Variants in LRRC38 observed in about 807,000 individuals in gnomAD.
LRRC38 encodes the protein leucine rich repeat containing 38.
Under a neutral mutation model 16.4 loss-of-function variants are expected in LRRC38, and 5 were observed. The observed-to-expected ratio is 0.31, with a 90% CI of 0.16 to 0.64. LRRC38 has a LOEUF of 0.64. Among genes scored for constraint, LRRC38 ranks in the 30% least tolerant of loss-of-function variants. The probability of loss-of-function intolerance (pLI) is 0.80; values close to 1 mark genes in which losing one functional copy is unlikely to be tolerated. For synonymous variants in LRRC38, 191 were observed against 190.2 expected (o/e 1.00, Z -0.04); for missense variants, 341 against 401.8 (o/e 0.85, Z 1.29).
In LRRC38 at chr1:13,481,585, C is replaced by T. The variant is rs543175707; in HGVS notation, c.632-5486G>A. ...TTTTTTTGTATTTTTTTAGTAGAGA[C>T]GGGGTTTCACCGTGTTAGCCAGGAT... On this transcript the variant is annotated intron_variant, in intron 1 of 1. Transcript: ENST00000376085. Among the ~76,000 whole-genome samples the T allele has an allele frequency of 2.9e-4, 44 of 151,454 alleles. 1 individual carries two copies. The South Asian group carries it at 3.8e-3, about 13-fold the overall frequency.
chr1:13,511,107 G>A (rs1271701497), intron 1 of LRRC38, among the ~76,000 whole-genome samples: 1 of 152,122 alleles, frequency 6.6e-6, no homozygotes, highest in East Asian at 1.9e-4. Context: ...CTCTGAACCT[G>A]TCCATCCTTC....
At position 13,475,926 on chromosome 1, in the gene LRRC38, G is replaced by C; in HGVS notation, c.805C>G (p.Leu269Val). Residue 269 changes from leucine (L) to valine (V), a missense_variant, in exon 2 of 2, where the codon CTG (leucine) becomes GTG (valine). Physicochemically the swap from Leu to Val is conservative, Grantham distance 32 (BLOSUM62 1). Transcript: ENST00000376085. This position sits in a 1 kb window ranked among gnomAD's most constrained non-coding sequence, Gnocchi z 4.3. ...SIAAIISSFF[L>V]ATVVQCLQRC... Reference sequence around the variant, plus strand: ...TGGAGGCACTGCACCACAGTGGCCAGGAAGAAGCTGGAGATGATGGCCGCA... The same window carrying C: ...TGGAGGCACTGCACCACAGTGGCCACGAAGAAGCTGGAGATGATGGCCGCA... The C allele has an allele frequency of 6.4e-7, 1 of 1,550,612 alleles. No homozygotes were observed. Among genetic ancestry groups the C allele is most frequent in the Non-Finnish European group, 8.7e-7 (1 of 1,147,006 alleles).
At chr1:13,476,883 A>G (rs956300299) in intron 1 of LRRC38, among the ~76,000 whole-genome samples, 11 of 151,980 alleles carry the variant, frequency 7.2e-5, no homozygotes, top group African/African-American at 2.7e-4. Flanking sequence ...GAGGGTTAGC[A>G]TGGTCAGGAG....
chr1:13,492,744 C>T (rs1639029726), intron 1 of LRRC38, among the ~76,000 whole-genome samples: 3 of 152,106 alleles, frequency 2.0e-5, no homozygotes, highest in Admixed American at 2.0e-4. Flanking sequence ...ATACCATTAC[C>T]CAGCCCTGAC....
At chr1:13,491,373 G>A in intron 1 of LRRC38, among the ~76,000 whole-genome samples, 1 of 152,050 alleles carries the variant, frequency 6.6e-6, no homozygotes. Context: ...TGTCACCCAG[G>A]CTGGAGTACA....
In LRRC38 at chr1:13,478,388, C is replaced by T. The variant is rs72864589; in HGVS notation, c.632-2289G>A. ...AAACTGAGAGCATGTGCATAGCTTG[C>T]CTTTGGCAATGCAGCTTCACAGTGA... On this transcript the variant is annotated intron_variant, in intron 1 of 1. Transcript: ENST00000376085. Among the ~76,000 whole-genome samples, 1,113 of 152,316 alleles carry T rather than the reference C, an allele frequency of 7.3e-3. 24 individuals carry two copies. Among genetic ancestry groups the T allele is most frequent in the African/African-American group, 0.025 (1,055 of 41,566 alleles).
intron 1 of LRRC38, among the ~76,000 whole-genome samples, chr1:13,504,566 CA>C (rs1639187608): frequency 6.6e-6 from 1 of 151,660 alleles, no homozygotes; most frequent in African/African-American, 2.4e-5. Flanking sequence ...ACTAAAAATA[CA>C]AAAAATAGCT....
At position 13,501,555 on chromosome 1, in the gene LRRC38, CACGCCACCATGCCCGACTAATTTTT is replaced by C. The variant is rs1169404434; in HGVS notation, c.631+11383_631+11407del. On this transcript the variant is annotated intron_variant, in intron 1 of 1. Coordinates refer to ENST00000376085, the MANE Select transcript of LRRC38 (RefSeq NM_001010847.2). ...TCCCTAGCAGCTGGGATTACAGGTG[CACGCCACCATGCCCGACTAATTTTT>C]GTGGAGTTTTTTGTTTTTTGTTTGT... Among the ~76,000 whole-genome samples the C allele has an allele frequency of 3.8e-4, 55 of 143,720 alleles. 8 individuals carry two copies. The highest frequency in any genetic ancestry group is 1.4e-3 in the African/African-American group (53 of 37,168). 94.3% of individuals were successfully genotyped at this position (143,720 alleles called of 152,430 possible). A position where few individuals can be genotyped will look rare whatever the true frequency, so the allele number is the denominator to read the frequency against.
intron 1 of LRRC38, among the ~76,000 whole-genome samples, chr1:13,477,498 T>C (rs1325693854): frequency 6.6e-6 from 1 of 152,090 alleles, no homozygotes; most frequent in Non-Finnish European, 1.5e-5. Flanking sequence ...GTCAAAAGGA[T>C]GAGCTGAAAC....
At chr1:13,494,989 G>A (rs375414) in intron 1 of LRRC38, among the ~76,000 whole-genome samples, 57,064 of 151,778 alleles carry the variant, frequency 0.38, 11,517 homozygotes, top group African/African-American at 0.53. Context: ...TAGCCCCTAC[G>A]AGGCCAGGTT....
At chr1:13,512,939 C>CCCCA in intron 1 of LRRC38, 24 bp downstream of exon 1, 6 of 1,524,972 alleles carry the variant, frequency 3.9e-6, no homozygotes, top group South Asian at 1.2e-5. Context: ...CCCTCCCTCC[C>CCCCA]CCAGCCTAGC....
At chr1:13,485,048 C>T (rs926568400) in intron 1 of LRRC38, among the ~76,000 whole-genome samples, 1 of 151,490 alleles carries the variant, frequency 6.6e-6, no homozygotes, top group African/African-American at 2.4e-5. Context: ...GAGGCTGAGG[C>T]AGGGGGATCG....
rs1639304455 is a variant in LRRC38, at chr1:13,513,662, G to C, written c.-69C>G. The C allele has an allele frequency of 2.0e-6, 2 of 998,624 alleles. No individual in the cohort carries two copies. Among genetic ancestry groups the C allele is most frequent in the South Asian group, 9.2e-5 (2 of 21,724 alleles). The allele number at this position is 998,624 out of a possible 1,614,324, so 61.9% of individuals were successfully genotyped here. The stretch of plus-strand genomic sequence containing the variant: ...TCGGAGCGAGCCCTGGCGCGGGACG[G>C]CGCGGTGAGGCACTGGCTGCCGGGC... On this transcript the variant is annotated 5_prime_UTR_variant, in exon 1 of 2. Transcript: ENST00000376085.
chr1:13,498,831 G>C (rs1639112614), intron 1 of LRRC38, among the ~76,000 whole-genome samples: 1 of 152,098 alleles, frequency 6.6e-6, no homozygotes, highest in Non-Finnish European at 1.5e-5. Context: ...AATTCTGCAG[G>C]CTGAACATCT....
intron 1 of LRRC38, among the ~76,000 whole-genome samples, chr1:13,489,281 C>A (rs1196303534): frequency 6.6e-6 from 1 of 152,218 alleles, no homozygotes; most frequent in African/African-American, 2.4e-5. Context: ...GAACAGCTTC[C>A]CCTGCCCTCC....
intron 1 of LRRC38, among the ~76,000 whole-genome samples, chr1:13,504,897 AAAAC>A (rs1251721917): frequency 2.0e-5 from 3 of 152,152 alleles, no homozygotes; most frequent in Non-Finnish European, 4.4e-5. Context: ...AAAGAAAGAA[AAAAC>A]AAACAGTATG....
chr1:13,493,231 C>T (rs60306193), intron 1 of LRRC38, among the ~76,000 whole-genome samples: 11,611 of 151,994 alleles, frequency 0.076, 754 homozygotes, highest in East Asian at 0.28. Flanking sequence ...TTCCCAGCAC[C>T]AGATATCTGC....
chr1:13,506,945 G>A (rs1202737476), intron 1 of LRRC38, among the ~76,000 whole-genome samples: 3 of 152,234 alleles, frequency 2.0e-5, no homozygotes, highest in Non-Finnish European at 2.9e-5. Context: ...ACCTACTGGC[G>A]ATACTGTCCT....
At chr1:13,504,886 C>G (rs1362139605) in intron 1 of LRRC38, among the ~76,000 whole-genome samples, 2 of 147,608 alleles carry the variant, frequency 1.4e-5, no homozygotes, top group East Asian at 2.1e-4. Context: ...AAAAGAGAAA[C>G]AAAGAAAGAA....
Sources: gnomAD v4.1 joint callset for allele counts (sites outside exome capture counted in the v4.1 genomes callset) on GRCh38, gnomAD v4.1.1 for gene constraint, Gnocchi (gnomAD v3.1) non-coding constraint, MANE v1.5 for transcripts, NCBI Gene and HGNC (gene_info 2026-07-23, HGNC 2026-07-21) for gene names.